SCAPER: variants seen among roughly 807,000 people sequenced by gnomAD.
SCAPER encodes S phase cyclin A-associated protein in the endoplasmic reticulum.
In SCAPER, 98 loss-of-function variants were observed where a neutral mutation model predicts 182.2. The ratio of observed to expected loss-of-function variants is 0.54; its 90% CI spans 0.46 to 0.64. The LOEUF (loss-of-function observed/expected upper bound fraction) is 0.64, where lower values mean the gene tolerates loss of function less well. Among genes scored for constraint, SCAPER ranks in the 30% least tolerant of loss-of-function variants. SCAPER has a pLI of 0.00. For missense variants in SCAPER, 1,432 were observed against 1,690.0 expected, an observed-to-expected ratio of 0.85 and a Z score of 2.68; for synonymous variants, 605 against 564.6, an observed-to-expected ratio of 1.07 and a Z score of -1.01.
At chr15:76,377,679 T>C (rs6495203) in intron 28 of SCAPER, among the ~76,000 whole-genome samples, 2,393 of 152,302 alleles carry the variant, frequency 0.016, 46 homozygotes, top group African/African-American at 0.048. Context: ...TCAGACTCTT[T>C]GCTGAAGAGG....
chr15:76,534,008 AT>A (rs2144602739), intron 23 of SCAPER, among the ~76,000 whole-genome samples: 1 of 152,342 alleles, frequency 6.6e-6, no homozygotes, highest in African/African-American at 2.4e-5. Flanking sequence ...TTTTGAAAAG[AT>A]TAATTCAGAG....
chr15:76,706,249 T>C (rs932440084), intron 17 of SCAPER, among the ~76,000 whole-genome samples: 3 of 152,182 alleles, frequency 2.0e-5, no homozygotes, highest in African/African-American at 7.2e-5. Flanking sequence ...AAATATGGCA[T>C]GTTGAAAACT....
At chr15:76,729,975 G>C (rs2060823007) in intron 16 of SCAPER, among the ~76,000 whole-genome samples, 1 of 151,864 alleles carries the variant, frequency 6.6e-6, no homozygotes, top group Admixed American at 6.6e-5. Flanking sequence ...CATTGATCTA[G>C]GCTCTAGTAC....
chr15:76,648,034 C>T (rs1248090292), intron 21 of SCAPER, among the ~76,000 whole-genome samples: 2 of 152,050 alleles, frequency 1.3e-5, no homozygotes, highest in Non-Finnish European at 2.9e-5. Context: ...AGCATTTATA[C>T]TGTCCAATAT....
At chr15:76,703,290 T>A (rs1025612414) in intron 18 of SCAPER, among the ~76,000 whole-genome samples, 3 of 152,334 alleles carry the variant, frequency 2.0e-5, no homozygotes, top group African/African-American at 4.8e-5. Flanking sequence ...GTTTTTAATG[T>A]AGAACTTTAC....
Position 76,475,020 on chromosome 15 carries a change from C to T in SCAPER, c.2955-3685G>A, listed in dbSNP as rs139615428. Among the ~76,000 whole-genome samples the T allele has an allele frequency of 2.4e-3, 366 of 152,258 alleles. 6 individuals are homozygous for T. Among genetic ancestry groups the T allele is most frequent in the East Asian group, 0.018 (93 of 5,184 alleles). ...TAGCAAATTCTCCACAGATGTCAACCAGCACCACTTCATTTATTTGATAAC... is the reference window on the plus strand; with the variant it reads ...TAGCAAATTCTCCACAGATGTCAACTAGCACCACTTCATTTATTTGATAAC... On this transcript the variant is annotated intron_variant, in intron 24 of 31. Transcript: ENST00000563290.
chr15:76,668,129 G>C (rs1362991610), intron 20 of SCAPER, among the ~76,000 whole-genome samples: 2 of 152,056 alleles, frequency 1.3e-5, no homozygotes, highest in Non-Finnish European at 2.9e-5. Flanking sequence ...ACCATCATTT[G>C]CATAATTGCT....
At chr15:76,695,591 C>G (rs573873939) in intron 20 of SCAPER, among the ~76,000 whole-genome samples, 5 of 140,260 alleles carry the variant, frequency 3.6e-5, no homozygotes, top group African/African-American at 1.3e-4. Context: ...AGCAAGACTC[C>G]GTCTCAAAAA....
intron 23 of SCAPER, among the ~76,000 whole-genome samples, chr15:76,545,772 G>GTTA (rs2045226480): frequency 6.6e-6 from 1 of 152,090 alleles, no homozygotes; most frequent in African/African-American, 2.4e-5. Flanking sequence ...GGAAGGTGAA[G>GTTA]TTAGATGGAA....
chr15:76,554,016 T>C (rs1245477855), intron 23 of SCAPER, among the ~76,000 whole-genome samples: 3 of 152,076 alleles, frequency 2.0e-5, no homozygotes, highest in Admixed American at 1.3e-4. Context: ...ATTCAGAATG[T>C]AGACAGGAAT....
At chr15:76,862,263 T>C (rs1204630279) in intron 3 of SCAPER, among the ~76,000 whole-genome samples, 153 bp downstream of exon 3, 2 of 151,080 alleles carry the variant, frequency 1.3e-5, no homozygotes, top group Non-Finnish European at 3.0e-5. Flanking sequence ...TATAAAACCA[T>C]GTGTGTATAA....
intron 2 of SCAPER, among the ~76,000 whole-genome samples, chr15:76,869,797 TCTGCA>T (rs1367097449): frequency 6.6e-6 from 1 of 152,168 alleles, no homozygotes; most frequent in Non-Finnish European, 1.5e-5. Flanking sequence ...CAAAAAGTTA[TCTGCA>T]CTCCCATGTT....
At chr15:76,849,666 A>G (rs1036608148) in intron 4 of SCAPER, among the ~76,000 whole-genome samples, 9 of 152,250 alleles carry the variant, frequency 5.9e-5, no homozygotes, top group African/African-American at 1.9e-4. Context: ...CGACCAAGGA[A>G]GAAGCTATCA....
rs73444294 is a variant in SCAPER at position 76,519,964 on chromosome 15, C to G, written c.2839-14990G>C. 4.4e-3 allele frequency among the ~76,000 whole-genome samples: 666 copies of G among 152,176 alleles called. 7 individuals carry two copies. The highest frequency in any genetic ancestry group is 0.015 in the African/African-American group (634 of 41,516). ...CCCTTAATGTTCTTGATGGACATAT[C>G]CTGGGATCTTTGTAGTATCTTAAAA... On this transcript the variant is annotated intron_variant, in intron 23 of 31. Coordinates refer to ENST00000563290, the MANE Select transcript of SCAPER (RefSeq NM_020843.4).
chr15:76,682,267 C>CA (rs1252906492), intron 20 of SCAPER, among the ~76,000 whole-genome samples: 2 of 140,224 alleles, frequency 1.4e-5, no homozygotes, highest in African/African-American at 5.2e-5. Flanking sequence ...CCTCCCTTCC[C>CA]CCCCCCACCC....
intron 1 of SCAPER, among the ~76,000 whole-genome samples, chr15:76,894,553 CAG>C (rs2074327506): frequency 6.6e-6 from 1 of 151,938 alleles, no homozygotes; most frequent in Non-Finnish European, 1.5e-5. Context: ...GAAATAATAA[CAG>C]AGCAAAAATC....
At chr15:76,439,333 C>G (rs2047407653) in intron 25 of SCAPER, among the ~76,000 whole-genome samples, 1 of 152,106 alleles carries the variant, frequency 6.6e-6, no homozygotes, top group Non-Finnish European at 1.5e-5. Context: ...ACCACCTTAG[C>G]CTCCCAAAGA....
intron 5 of SCAPER, among the ~76,000 whole-genome samples, chr15:76,826,803 AT>A (rs1383538307): frequency 6.6e-6 from 1 of 152,232 alleles, no homozygotes; most frequent in Non-Finnish European, 1.5e-5. Context: ...TGAATAAAAT[AT>A]AAGTCCACTT....
At chr15:76,493,818 G>A (rs2052558151) in intron 24 of SCAPER, among the ~76,000 whole-genome samples, 2 of 152,136 alleles carry the variant, frequency 1.3e-5, no homozygotes, top group African/African-American at 4.8e-5. Flanking sequence ...TACAACAGCT[G>A]TCAACTGTAA....
Sources: allele counts gnomAD v4.1 joint callset (sites outside exome capture counted in the v4.1 genomes callset), GRCh38; gene constraint gnomAD v4.1.1; transcripts MANE v1.5; gene names NCBI Gene and HGNC (gene_info 2026-07-23, HGNC 2026-07-21).